CNTN3: variants seen among roughly 807,000 people sequenced by gnomAD.
The protein encoded by CNTN3 is contactin-3.
Under a neutral mutation model 119.1 loss-of-function variants are expected in CNTN3, and 60 were observed. That is an observed-to-expected ratio of 0.50 (90% CI 0.41 to 0.62). The LOEUF (loss-of-function observed/expected upper bound fraction) is 0.62. Among genes scored for constraint, CNTN3 ranks in the 20% least tolerant of loss-of-function variants. CNTN3 has a pLI of 0.00. For missense variants in CNTN3, 1,101 were observed against 1,242.4 expected (o/e 0.89, Z 1.71); for synonymous variants, 450 against 438.7 (o/e 1.03, Z -0.32).
intron 13 of CNTN3, among the ~76,000 whole-genome samples, chr3:74,326,844 A>G (rs954715720): frequency 6.6e-6 from 1 of 152,082 alleles, no homozygotes; most frequent in Non-Finnish European, 1.5e-5. Flanking sequence ...TCCAAATGAT[A>G]TTTGTGTGTA....
chr3:74,292,681 C>T lies in CNTN3; in HGVS notation c.2517+2440G>A, dbSNP rs1702255153. On this transcript the variant is annotated intron_variant, in intron 19 of 22. Coordinates refer to ENST00000263665, the MANE Select transcript of CNTN3 (RefSeq NM_020872.3). ...CTAATGAGGTTAGGCCTATTATTGT[C>T]CCCATTCTACAGGTGAGGAAAACGA... 5.9e-5 allele frequency among the ~76,000 whole-genome samples: 9 copies of T among 152,218 alleles called. 1 individual carries two copies.
chr3:74,325,515 A>G (rs1703107151), intron 13 of CNTN3, among the ~76,000 whole-genome samples: 1 of 152,170 alleles, frequency 6.6e-6, no homozygotes, highest in African/African-American at 2.4e-5. Context: ...AAAATTTTAA[A>G]AAAATGAAGG....
intron 1 of CNTN3, among the ~76,000 whole-genome samples, chr3:74,591,007 A>G (rs1016840818): frequency 2.0e-5 from 3 of 151,994 alleles, no homozygotes; most frequent in Non-Finnish European, 2.9e-5. Context: ...GCTGACTACT[A>G]TCTTATTTCC....
intron 4 of CNTN3, among the ~76,000 whole-genome samples, chr3:74,438,720 A>G (rs1454509611): frequency 1.3e-5 from 2 of 152,240 alleles, no homozygotes; most frequent in Non-Finnish European, 2.9e-5. Flanking sequence ...CTTGATATTT[A>G]GCATCTGTGT....
At chr3:74,303,045 G>C (rs562105169) in intron 13 of CNTN3, among the ~76,000 whole-genome samples, 2 of 152,166 alleles carry the variant, frequency 1.3e-5, no homozygotes, top group Non-Finnish European at 2.9e-5. Context: ...CTTCCTCCTG[G>C]GCATTTATGG....
chr3:74,497,948 T>C (rs1051891843), intron 3 of CNTN3, among the ~76,000 whole-genome samples: 2 of 151,886 alleles, frequency 1.3e-5, no homozygotes, highest in Non-Finnish European at 2.9e-5. Context: ...TATTTTTGGA[T>C]ATCTAAGCTC....
At chr3:74,453,874 TGA>T (rs1257446542) in intron 4 of CNTN3, among the ~76,000 whole-genome samples, 3 of 152,176 alleles carry the variant, frequency 2.0e-5, no homozygotes, top group African/African-American at 4.8e-5. Context: ...CACTGTGGTC[TGA>T]GAGAGAGTTT....
At chr3:74,536,246 C>T (rs1303302717) in intron 1 of CNTN3, among the ~76,000 whole-genome samples, 1 of 152,066 alleles carries the variant, frequency 6.6e-6, no homozygotes, top group African/African-American at 2.4e-5. Flanking sequence ...TTGGAGATCT[C>T]CTTAGCCCTG....
rs79205202 is a variant in CNTN3 at position 74,352,987 on chromosome 3, G to A, written c.1364+8903C>T. Reference sequence around the variant, plus strand: ...AAAGTCAAGCTTTTTGGATGAAGGGGGCAGTGGAAGGCTGAGAGAGATGGG... The same window carrying A: ...AAAGTCAAGCTTTTTGGATGAAGGGAGCAGTGGAAGGCTGAGAGAGATGGG... On this transcript the variant is annotated intron_variant, in intron 11 of 22. Coordinates refer to ENST00000263665, the MANE Select transcript of CNTN3 (RefSeq NM_020872.3). Among the ~76,000 whole-genome samples, 348 of 152,230 alleles carry A rather than the reference G, an allele frequency of 2.3e-3. 1 individual carries two copies. The highest frequency in any genetic ancestry group is 3.5e-3 in the Non-Finnish European group (238 of 68,006).
At chr3:74,423,906 T>G (rs895291555) in intron 5 of CNTN3, among the ~76,000 whole-genome samples, 1 of 152,172 alleles carries the variant, frequency 6.6e-6, no homozygotes, top group Non-Finnish European at 1.5e-5. Flanking sequence ...TGATCAAAAC[T>G]GACAACTCTT....
intron 3 of CNTN3, among the ~76,000 whole-genome samples, chr3:74,490,331 G>C (rs1575777085): frequency 6.6e-6 from 1 of 152,114 alleles, no homozygotes; most frequent in East Asian, 1.9e-4. Context: ...TCATGACAAA[G>C]GGCACTTGAG....
intron 1 of CNTN3, among the ~76,000 whole-genome samples, chr3:74,556,961 T>C (rs916432471): frequency 6.6e-6 from 1 of 152,202 alleles, no homozygotes; most frequent in Admixed American, 6.6e-5. Context: ...TCAATTCAAA[T>C]CCTTTGTCCA....
At chr3:74,595,566 T>C (rs990900305) in intron 1 of CNTN3, among the ~76,000 whole-genome samples, 13 of 152,136 alleles carry the variant, frequency 8.5e-5, no homozygotes, top group African/African-American at 3.1e-4. Flanking sequence ...ATCCAGCATA[T>C]AAACAGAACC....
chr3:74,425,682 T>C (rs1701685177), intron 4 of CNTN3, among the ~76,000 whole-genome samples: 1 of 152,204 alleles, frequency 6.6e-6, no homozygotes, highest in Non-Finnish European at 1.5e-5. Context: ...TAGCTTCAAC[T>C]TGTAATAATG....
intron 1 of CNTN3, among the ~76,000 whole-genome samples, chr3:74,610,946 G>C (rs1011021355): frequency 1.3e-5 from 2 of 152,158 alleles, no homozygotes; most frequent in Admixed American, 6.5e-5. Flanking sequence ...TCATTTATCA[G>C]TAATATAATC....
chr3:74,454,166 C>G (rs1317701101), intron 4 of CNTN3, among the ~76,000 whole-genome samples: 16 of 126,268 alleles, frequency 1.3e-4, no homozygotes, highest in Admixed American at 5.0e-4. Flanking sequence ...GTAGGTCACT[C>G]AGGACTTGCT....
At chr3:74,376,956 T>G (rs535249759) in intron 5 of CNTN3, among the ~76,000 whole-genome samples, 2 of 143,726 alleles carry the variant, frequency 1.4e-5, no homozygotes, top group African/African-American at 5.1e-5. Flanking sequence ...AAAAAAAAAA[T>G]TAAAGAAAGG....
At chr3:74,376,658 T>C (rs576953693) in intron 5 of CNTN3, among the ~76,000 whole-genome samples, 1 of 152,048 alleles carries the variant, frequency 6.6e-6, no homozygotes, top group Admixed American at 6.6e-5. Context: ...CATAGATAAA[T>C]GTAATGTGCT....
chr3:74,554,256 C>T (rs913083945), intron 1 of CNTN3, among the ~76,000 whole-genome samples: 7 of 151,914 alleles, frequency 4.6e-5, no homozygotes, highest in East Asian at 1.9e-4. Flanking sequence ...CTGAGGCCTC[C>T]GTTCTGTTCC....
Sources: allele counts gnomAD v4.1 joint callset (sites outside exome capture counted in the v4.1 genomes callset), GRCh38; gene constraint gnomAD v4.1.1; transcripts MANE v1.5; gene names NCBI Gene and HGNC (gene_info 2026-07-23, HGNC 2026-07-21).